The following SH3PXD2A variants were observed in gnomAD, a reference collection of about 807,000 sequenced individuals.
SH3PXD2A encodes the protein SH3 and PX domain-containing protein 2A.
SH3PXD2A carries 32 observed loss-of-function variants against 115.2 expected under a neutral mutation model. The observed-to-expected ratio is 0.28, with a 90% CI of 0.21 to 0.37. The LOEUF is 0.37. Ranked by LOEUF, SH3PXD2A falls within the 10% of genes least tolerant of loss-of-function variation. The pLI is 1.00. For missense variants in SH3PXD2A, 1,328 were observed against 1,498.7 expected, an observed-to-expected ratio of 0.89 and a Z score of 1.88; for synonymous variants, 610 against 629.1, an observed-to-expected ratio of 0.97 and a Z score of 0.45.
rs767134244 is a variant in SH3PXD2A at position 103,602,918 on chromosome 10, G to A, written c.2300C>T (p.Ser767Leu). The part of the protein sequence containing the change: ...RPKPFLNRAE[S>L]QSQEKMDIST... ...GATGTCCATCTTCTCTTGGCTCTGC[G>A]ACTCTGCTCGGTTTAGGAATGGCTT... The change falls in exon 15 of 15, where the codon TCG becomes TTG. Residue 767 changes from serine to leucine, a missense_variant. Physicochemically the swap from Ser to Leu is moderately radical, Grantham distance 145. Coordinates refer to ENST00000369774, the MANE Select transcript of SH3PXD2A (RefSeq NM_001394015.1). 3.7e-6 allele frequency: 6 copies of A among 1,614,076 alleles called. No homozygotes were observed. Among genetic ancestry groups the A allele is most frequent in the East Asian group, 2.2e-5 (1 of 44,884 alleles).
chr10:103,801,226 G>A, intron 2 of SH3PXD2A, 56 bp downstream of exon 2: 1 of 1,080,120 alleles, frequency 9.3e-7, no homozygotes, highest in Non-Finnish European at 1.4e-6. Flanking sequence ...GAGGGTATGA[G>A]AGAGGCCAGC....
intron 1 of SH3PXD2A, among the ~76,000 whole-genome samples, chr10:103,823,482 G>C (rs190420658): frequency 2.0e-5 from 3 of 152,334 alleles, no homozygotes; most frequent in Admixed American, 6.5e-5. Context: ...CTGAGGCACA[G>C]AGGGAGGCCA....
chr10:103,685,166 C>A (rs2037661199), intron 6 of SH3PXD2A, among the ~76,000 whole-genome samples: 2 of 151,968 alleles, frequency 1.3e-5, no homozygotes, highest in African/African-American at 2.4e-5. Flanking sequence ...GGTGAAATCC[C>A]ATCTCTACTA....
chr10:103,794,879 T>A (rs185341960), intron 2 of SH3PXD2A, among the ~76,000 whole-genome samples: 53 of 152,354 alleles, frequency 3.5e-4, no homozygotes, highest in Admixed American at 1.0e-3. Context: ...GTGTTTGGAA[T>A]AGCCGCTGAG....
intron 5 of SH3PXD2A, among the ~76,000 whole-genome samples, chr10:103,710,803 A>C (rs533599104): frequency 6.6e-6 from 1 of 152,324 alleles, no homozygotes; most frequent in African/African-American, 2.4e-5. Flanking sequence ...TGGGAGGCCA[A>C]GGCAGGAGGA....
At chr10:103,786,770 T>C (rs2038984826) in intron 2 of SH3PXD2A, among the ~76,000 whole-genome samples, 1 of 152,076 alleles carries the variant, frequency 6.6e-6, no homozygotes, top group Non-Finnish European at 1.5e-5. Context: ...GGAAAGGACA[T>C]GGGGCAGGGC....
At chr10:103,712,958 C>T (rs1489559613) in intron 5 of SH3PXD2A, among the ~76,000 whole-genome samples, 1 of 152,250 alleles carries the variant, frequency 6.6e-6, no homozygotes, top group Non-Finnish European at 1.5e-5. Flanking sequence ...GGTCCCTCAT[C>T]TGCAGAAAGG....
intron 3 of SH3PXD2A, among the ~76,000 whole-genome samples, chr10:103,758,091 C>T (rs1333463617): frequency 6.6e-6 from 1 of 152,224 alleles, no homozygotes; most frequent in Non-Finnish European, 1.5e-5. Flanking sequence ...GATGATGCTA[C>T]AGAGCCTGGA....
chr10:103,618,754 C>T (rs2036558668), intron 10 of SH3PXD2A, among the ~76,000 whole-genome samples: 1 of 152,200 alleles, frequency 6.6e-6, no homozygotes, highest in Non-Finnish European at 1.5e-5. Context: ...GGACACCCAC[C>T]CCTCCTGGCT....
intron 6 of SH3PXD2A, among the ~76,000 whole-genome samples, chr10:103,686,224 A>C (rs1344501797): frequency 1.3e-5 from 2 of 152,190 alleles, no homozygotes; most frequent in Non-Finnish European, 2.9e-5. Context: ...AACACTCTTG[A>C]GCAACCTCAT....
intron 5 of SH3PXD2A, among the ~76,000 whole-genome samples, chr10:103,715,685 C>T (rs1209277306): frequency 3.9e-5 from 6 of 152,246 alleles, no homozygotes; most frequent in African/African-American, 1.4e-4. Context: ...AGCAGGGAAG[C>T]CTGGACTCTA....
At chr10:103,717,548 C>A (rs2134164055) in intron 5 of SH3PXD2A, among the ~76,000 whole-genome samples, 1 of 152,310 alleles carries the variant, frequency 6.6e-6, no homozygotes. Context: ...GGCCACTGGG[C>A]CAGGAGGCTG....
chr10:103,691,206 G>C (rs552913950), intron 6 of SH3PXD2A, among the ~76,000 whole-genome samples: 15 of 152,304 alleles, frequency 9.8e-5, no homozygotes, highest in African/African-American at 3.6e-4. Context: ...CTAGGTCCCA[G>C]GCCTTCAGAA....
At chr10:103,763,274 C>A (rs2038719361) in intron 3 of SH3PXD2A, among the ~76,000 whole-genome samples, 2 of 152,202 alleles carry the variant, frequency 1.3e-5, no homozygotes, top group Non-Finnish European at 2.9e-5. Flanking sequence ...TGGGCCAAAG[C>A]AAATCAGCTG....
intron 8 of SH3PXD2A, among the ~76,000 whole-genome samples, chr10:103,637,952 G>T (rs1210081849): frequency 1.3e-5 from 2 of 152,200 alleles, no homozygotes; most frequent in East Asian, 3.9e-4. Context: ...GGCTGTCTGC[G>T]AGTGCTGTGC....
intron 3 of SH3PXD2A, among the ~76,000 whole-genome samples, chr10:103,763,204 T>C (rs1032484038): frequency 2.0e-5 from 3 of 152,170 alleles, no homozygotes; most frequent in Non-Finnish European, 4.4e-5. Context: ...CTAATTTCTC[T>C]GTCAGCTCCA....
At chr10:103,702,962 C>G (rs895951421) in intron 5 of SH3PXD2A, among the ~76,000 whole-genome samples, 1 of 152,176 alleles carries the variant, frequency 6.6e-6, no homozygotes, top group East Asian at 1.9e-4. Flanking sequence ...GTGTGACACA[C>G]GGGCAGATAC....
chr10:103,596,017 C>T lies in SH3PXD2A; in HGVS notation c.*5799G>A, dbSNP rs1326436859. On this transcript the variant is annotated 3_prime_UTR_variant, in exon 15 of 15. Transcript: ENST00000369774. Reference sequence around the variant, plus strand: ...CACCAAACAGGGCTGATGATTTAGCCAGAAACTCAGGAAGGTCTAGCACAG... The same window carrying T: ...CACCAAACAGGGCTGATGATTTAGCTAGAAACTCAGGAAGGTCTAGCACAG... 6.6e-6 allele frequency: 1 copy of T among 152,436 alleles called. No homozygotes were observed. The highest frequency in any genetic ancestry group is 1.5e-5 in the Non-Finnish European group (1 of 68,028). 9.4% of individuals were successfully genotyped at this position (152,436 alleles called of 1,614,324 possible).
intron 1 of SH3PXD2A, among the ~76,000 whole-genome samples, chr10:103,842,566 A>T (rs1444773779): frequency 6.6e-6 from 1 of 152,176 alleles, no homozygotes; most frequent in Admixed American, 6.5e-5. Flanking sequence ...GGCCTCTGGT[A>T]GCCGCCATTC....
Sources: allele counts gnomAD v4.1 joint callset (sites outside exome capture counted in the v4.1 genomes callset), GRCh38; gene constraint gnomAD v4.1.1; transcripts MANE v1.5; gene names NCBI Gene and HGNC (gene_info 2026-07-23, HGNC 2026-07-21).